The following FRA10AC1 variants were observed in gnomAD, a reference collection of about 807,000 sequenced individuals.
FRA10AC1 encodes the protein protein FRA10AC1.
A neutral mutation model predicts 56.5 loss-of-function variants in FRA10AC1; 43 were observed. The observed-to-expected ratio is 0.76, with a 90% CI of 0.60 to 0.98. FRA10AC1 has a LOEUF of 0.98. FRA10AC1 is among the 50% of genes least tolerant of loss of function. The pLI is 0.00. For missense variants in FRA10AC1, 346 were observed against 351.8 expected (o/e 0.98, Z 0.13); for synonymous variants, 112 against 110.5 (o/e 1.01, Z -0.09).
rs2058855966 is a variant in FRA10AC1, at chr10:93,677,193, G to A, written c.788-502C>T. ...CAGCTCTACAATGGTCATCCAGTGA[G>A]AGAAAGAGAGAGAGAAAGGCACTGA... is the stretch of plus-strand genomic sequence containing the variant. On this transcript the variant is annotated intron_variant, in intron 11 of 13. Transcript: ENST00000359204. Among the ~76,000 whole-genome samples, 7 of 152,172 alleles carry A rather than the reference G, an allele frequency of 4.6e-5. No individual in the cohort carries two copies. In the South Asian group the frequency reaches 1.0e-3, roughly 23 times the overall value.
chr10:93,670,350 T>C (rs190831175), intron 13 of FRA10AC1, among the ~76,000 whole-genome samples: 2 of 152,276 alleles, frequency 1.3e-5, no homozygotes, highest in Non-Finnish European at 2.9e-5. Flanking sequence ...ATAGTAAATA[T>C]ATTATGTATT....
intron 1 of FRA10AC1, among the ~76,000 whole-genome samples, chr10:93,701,729 C>T (rs1437280029): frequency 6.6e-6 from 1 of 152,064 alleles, no homozygotes; most frequent in Non-Finnish European, 1.5e-5. Flanking sequence ...CACATCTGTT[C>T]AAGCCATATT....
chr10:93,675,077 C>T (rs2058820429), intron 12 of FRA10AC1: 1 of 152,106 alleles, frequency 6.6e-6, no homozygotes, highest in Non-Finnish European at 1.5e-5. Context: ...AGAGTCAGTG[C>T]TTTAAGACAC....
In FRA10AC1 at chr10:93,681,553, T is replaced by C. The variant is rs1824081981; in HGVS notation, c.714A>G (p.Lys238=). The C allele has an allele frequency of 1.3e-6, 2 of 1,568,036 alleles. No homozygotes were observed. The highest frequency in any genetic ancestry group is 1.7e-6 in the Non-Finnish European group (2 of 1,160,572). Residue 238 remains lysine (K), a synonymous_variant, in exon 11 of 14, where the codon AAA becomes AAG. Transcript: ENST00000359204. The part of the protein sequence containing the change: ...KSKKRKDKTK[K]DCEESSHKKS... ...TTTTATGTGATGACTCTTCACAGTC[T>C]TTTTTGGTTTTATCTTTTCTTTTTT...
chr10:93,701,676 C>T (rs2059334614), intron 1 of FRA10AC1, among the ~76,000 whole-genome samples: 1 of 152,146 alleles, frequency 6.6e-6, no homozygotes, highest in South Asian at 2.1e-4. Flanking sequence ...CCTTACACAC[C>T]TGGATTTTAC....
chr10:93,684,110 A>G lies in FRA10AC1; in HGVS notation c.626-12T>C. 1 of 1,599,604 alleles carries G rather than the reference A, an allele frequency of 6.3e-7. No individual in the cohort carries two copies. Among genetic ancestry groups the G allele is most frequent in the South Asian group, 1.1e-5 (1 of 90,298 alleles). ...TTCTTGGCATAACCCTAAAAAGAAA[A>G]GACACCACTGAATGGCTGATTTTGA... On this transcript the variant is annotated splice_polypyrimidine_tract_variant and intron_variant, in intron 9 of 13. Coordinates refer to ENST00000359204, the MANE Select transcript of FRA10AC1 (RefSeq NM_145246.5).
chr10:93,688,397 G>A (rs1300257985), intron 7 of FRA10AC1, among the ~76,000 whole-genome samples: 1 of 152,152 alleles, frequency 6.6e-6, no homozygotes, highest in Non-Finnish European at 1.5e-5. Flanking sequence ...TTTTAGGGCA[G>A]TGCAAGTATT....
rs541601106 is a variant in FRA10AC1, at chr10:93,668,139, C to T, written c.*1687G>A. On this transcript the variant is annotated 3_prime_UTR_variant, in exon 14 of 14. Transcript: ENST00000359204. ...TGATAATAACCATTTTAAAATGATA[C>T]CAAATTACTCATTTTGCAGTTTATT... is the stretch of plus-strand genomic sequence containing the variant. 21 of 152,174 alleles carry T rather than the reference C, an allele frequency of 1.4e-4. No homozygotes were observed. Among genetic ancestry groups the T allele is most frequent in the African/African-American group, 4.3e-4 (18 of 41,522 alleles). The allele number at this position is 152,174 out of a possible 1,614,324, so 9.4% of individuals were successfully genotyped here.
At chr10:93,677,586 T>A (rs746242203) in intron 11 of FRA10AC1, among the ~76,000 whole-genome samples, 1 of 152,182 alleles carries the variant, frequency 6.6e-6, no homozygotes, top group Non-Finnish European at 1.5e-5. Context: ...AGCTGTAGAT[T>A]TTGGCTGAAT....
At chr10:93,672,698 T>C (rs542173373) in intron 12 of FRA10AC1, 1 of 152,306 alleles carries the variant, frequency 6.6e-6, no homozygotes, top group African/African-American at 2.4e-5. Flanking sequence ...TAGAGTAACA[T>C]TATAAACTAA....
At chr10:93,681,842 G>A (rs760343965) in intron 10 of FRA10AC1, among the ~76,000 whole-genome samples, 2 of 151,612 alleles carry the variant, frequency 1.3e-5, no homozygotes, top group African/African-American at 2.4e-5. Context: ...TTCTGTATAC[G>A]ACCATAGTAA....
intron 11 of FRA10AC1, among the ~76,000 whole-genome samples, chr10:93,679,610 A>AG: frequency 6.6e-6 from 1 of 152,142 alleles, no homozygotes; most frequent in East Asian, 1.9e-4. Flanking sequence ...TGTGAACGTG[A>AG]GGTACAGAGT....
chr10:93,682,680 C>A (rs1239917746), intron 10 of FRA10AC1, among the ~76,000 whole-genome samples: 1 of 152,108 alleles, frequency 6.6e-6, no homozygotes, highest in African/African-American at 2.4e-5. Context: ...TGATGTACTC[C>A]TGTAGTCTCA....
Position 93,701,163 on chromosome 10 carries a change from A to G in FRA10AC1, c.1-1057T>C, listed in dbSNP as rs142270322. 3.3e-3 allele frequency among the ~76,000 whole-genome samples: 495 copies of G among 152,292 alleles called. 3 individuals are homozygous for G. The highest frequency in any genetic ancestry group is 0.011 in the African/African-American group (465 of 41,562). On this transcript the variant is annotated intron_variant, in intron 1 of 13. Transcript: ENST00000359204. The stretch of plus-strand genomic sequence containing the variant: ...GCTGGAAGACCTCAGTTGCCACTCA[A>G]TTGTATTGGAAGAAGCTCCTAGTTC...
chr10:93,680,340 T>C (rs180743676), intron 11 of FRA10AC1, among the ~76,000 whole-genome samples: 1 of 152,272 alleles, frequency 6.6e-6, no homozygotes, highest in East Asian at 1.9e-4. Flanking sequence ...GGAAAATAAT[T>C]AAGATAGAGA....
intron 11 of FRA10AC1, among the ~76,000 whole-genome samples, chr10:93,678,652 G>A (rs966190562): frequency 6.6e-6 from 1 of 152,042 alleles, no homozygotes; most frequent in Non-Finnish European, 1.5e-5. Flanking sequence ...GAAACAGCAA[G>A]ACCCTGTCTC....
At chr10:93,671,230 A>T (rs1293947387) in intron 12 of FRA10AC1, 5 of 174,768 alleles carry the variant, frequency 2.9e-5, no homozygotes, top group Non-Finnish European at 3.7e-5. Flanking sequence ...TTTGTAGAGA[A>T]CATGTTTACA....
chr10:93,687,033 G>C (rs1358574795), intron 8 of FRA10AC1, among the ~76,000 whole-genome samples: 1 of 151,852 alleles, frequency 6.6e-6, no homozygotes, highest in East Asian at 1.9e-4. Flanking sequence ...TTGAAATGTG[G>C]ATTTGGCTGA....
chr10:93,700,297 G>A (rs544507263), intron 1 of FRA10AC1, among the ~76,000 whole-genome samples, 191 bp from the exon 2 acceptor site: 71 of 152,220 alleles, frequency 4.7e-4, no homozygotes, highest in African/African-American at 1.6e-3. Flanking sequence ...TACCTTTCAG[G>A]AAATGCATCA....
Sources: gnomAD v4.1 joint callset for allele counts (sites outside exome capture counted in the v4.1 genomes callset) on GRCh38, gnomAD v4.1.1 for gene constraint, MANE v1.5 for transcripts, NCBI Gene and HGNC (gene_info 2026-07-23, HGNC 2026-07-21) for gene names.